AMD1: variants seen among roughly 807,000 people sequenced by gnomAD.
The protein encoded by AMD1 is adenosylmethionine decarboxylase 1.
AMD1 carries 11 observed loss-of-function variants against 40.2 expected under a neutral mutation model. That is an observed-to-expected ratio of 0.27 (90% CI 0.17 to 0.45). AMD1 has a LOEUF of 0.45. Ranked by LOEUF, AMD1 falls within the 20% of genes least tolerant of loss-of-function variation. The pLI is 1.00. For missense variants in AMD1, 257 were observed against 410.2 expected, an observed-to-expected ratio of 0.63 and a Z score of 3.23; for synonymous variants, 121 against 130.8, an observed-to-expected ratio of 0.93 and a Z score of 0.51.
chr6:110,816,733 C>G, the AMD1 span, among the ~76,000 whole-genome samples: 1 of 152,126 alleles, frequency 6.6e-6, no homozygotes, highest in Non-Finnish European at 1.5e-5. Context: ...TAACTTGTCT[C>G]CACCACTCCT....
intron 3 of AMD1, chr6:110,889,842 T>A (rs1172414376): frequency 6.4e-6 from 1 of 155,778 alleles, no homozygotes; most frequent in African/African-American, 2.4e-5. Context: ...GTAAGAAATC[T>A]AAAGCAATGT....
the AMD1 span, chr6:110,858,176 A>T: frequency 1.6e-6 from 1 of 643,978 alleles, no homozygotes; most frequent in African/African-American, 1.9e-5. Flanking sequence ...AGTGCGTCCC[A>T]GCCCCGCGCC....
chr6:110,840,281 T>C, the AMD1 span, among the ~76,000 whole-genome samples: 1 of 152,096 alleles, frequency 6.6e-6, no homozygotes, highest in Non-Finnish European at 1.5e-5. Flanking sequence ...TCCAATTCAA[T>C]TCCGACACTG....
At chr6:110,842,928 T>G in the AMD1 span, among the ~76,000 whole-genome samples, 1 of 151,524 alleles carries the variant, frequency 6.6e-6, no homozygotes, top group African/African-American at 2.4e-5. Flanking sequence ...AGGTCAGGAG[T>G]TCGAGACCAG....
chr6:110,875,117 A>G lies in AMD1; in HGVS notation c.12A>G (p.Ala4=), dbSNP rs1785024693. Residue 4 remains alanine, a synonymous_variant, in exon 1 of 9, where the codon GCA becomes GCG. Transcript: ENST00000368885. The part of the protein sequence containing the change: MEA[A]HFFEGTEKLL... Reference sequence around the variant, plus strand: ...CTAGTCTCACGGTGATGGAAGCTGCACATTTTTTCGAAGGGACCGAGAAGC... The same window carrying G: ...CTAGTCTCACGGTGATGGAAGCTGCGCATTTTTTCGAAGGGACCGAGAAGC... The G allele has an allele frequency of 1.9e-6, 3 of 1,613,382 alleles. No individual in the cohort carries two copies. Among genetic ancestry groups the G allele is most frequent in the Non-Finnish European group, 1.7e-6 (2 of 1,179,758 alleles).
At chr6:110,857,768 G>A in the AMD1 span, among the ~76,000 whole-genome samples, 2 of 145,798 alleles carry the variant, frequency 1.4e-5, no homozygotes, top group Non-Finnish European at 3.0e-5. Context: ...TATAGATGGT[G>A]TGTATATATA....
At chr6:110,843,111 C>A in the AMD1 span, among the ~76,000 whole-genome samples, 1 of 151,216 alleles carries the variant, frequency 6.6e-6, no homozygotes, top group African/African-American at 2.4e-5. Context: ...CCAGCCTGGG[C>A]GACAAAGCGA....
chr6:110,870,041 G>A (rs1412984201), upstream of AMD1, among the ~76,000 whole-genome samples: 1 of 152,170 alleles, frequency 6.6e-6, no homozygotes, highest in African/African-American at 2.4e-5. Context: ...ATTAGCCACT[G>A]TGCCTGGCCA....
At chr6:110,815,407 T>G in the AMD1 span, 67 of 286,530 alleles carry the variant, frequency 2.3e-4, no homozygotes, top group East Asian at 3.4e-4. Context: ...CCTCCTTCAT[T>G]TCCTTGTTTT....
chr6:110,815,251 G>A, the AMD1 span: 1 of 1,198,736 alleles, frequency 8.3e-7, no homozygotes, highest in Non-Finnish European at 1.1e-6. Flanking sequence ...TCGCGCGCGC[G>A]CGCGCGCCGC....
chr6:110,847,179 C>G, the AMD1 span, among the ~76,000 whole-genome samples: 4 of 151,912 alleles, frequency 2.6e-5, no homozygotes, highest in Admixed American at 2.0e-4. Context: ...TGGGCAGGCT[C>G]TTAGGCTGGA....
At chr6:110,889,196 G>A (rs1161187723) in intron 3 of AMD1, 1 of 355,646 alleles carries the variant, frequency 2.8e-6, no homozygotes, top group East Asian at 5.3e-5. Context: ...TCAAATGGGA[G>A]AAAGAAATGA....
the AMD1 span, among the ~76,000 whole-genome samples, chr6:110,846,341 CAA>C: frequency 6.6e-6 from 1 of 152,092 alleles, no homozygotes; most frequent in Non-Finnish European, 1.5e-5. Context: ...ATGAGGAAGA[CAA>C]ATCTAAAATT....
Position 110,892,200 on chromosome 6 carries a change from G to A in AMD1, c.467G>A (p.Cys156Tyr). Residue 156 changes from cysteine to tyrosine, a missense_variant, in exon 5 of 9, where the codon TGT becomes TAT. By Grantham distance (194) the Cys-to-Tyr change is radical. Coordinates refer to ENST00000368885, the MANE Select transcript of AMD1 (RefSeq NM_001634.6). ...TGTATGGGACGTATGAATTCTGACT[G>A]TTGGTATGTTTAATGCAATTTTGTG... ...AYCMGRMNSDCWYLYTLDFPE... is the reference protein window; with the variant it reads ...AYCMGRMNSDYWYLYTLDFPE... 1 of 1,614,124 alleles carries A rather than the reference G, an allele frequency of 6.2e-7. No individual in the cohort carries two copies. The highest frequency in any genetic ancestry group is 8.5e-7 in the Non-Finnish European group (1 of 1,180,044).
chr6:110,884,750 A>G (rs1785595814), intron 1 of AMD1, among the ~76,000 whole-genome samples: 4 of 152,180 alleles, frequency 2.6e-5, no homozygotes, highest in Admixed American at 2.6e-4. Context: ...AAGAAAGGAA[A>G]AGACTGTTAC....
intron 1 of AMD1, among the ~76,000 whole-genome samples, chr6:110,880,954 A>G (rs1785379242): frequency 6.6e-6 from 1 of 152,208 alleles, no homozygotes; most frequent in Non-Finnish European, 1.5e-5. Context: ...ATCAGGCGAC[A>G]TAGAGAAGTC....
At chr6:110,839,416 G>T in the AMD1 span, among the ~76,000 whole-genome samples, 1 of 152,034 alleles carries the variant, frequency 6.6e-6, no homozygotes, top group Non-Finnish European at 1.5e-5. Flanking sequence ...AGGTGTAGGT[G>T]CTTTTCCCCA....
At chr6:110,826,304 C>A in the AMD1 span, among the ~76,000 whole-genome samples, 91 of 133,568 alleles carry the variant, frequency 6.8e-4, no homozygotes, top group Admixed American at 3.8e-3. Context: ...AAGAATCAAA[C>A]TTCTCTCTGT....
At chr6:110,856,798 T>C in the AMD1 span, among the ~76,000 whole-genome samples, 1 of 152,208 alleles carries the variant, frequency 6.6e-6, no homozygotes, top group South Asian at 2.1e-4. Context: ...GGTCAGATCA[T>C]ATCAGCTAAT....
Sources: gnomAD v4.1 joint callset for allele counts (sites outside exome capture counted in the v4.1 genomes callset) on GRCh38, gnomAD v4.1.1 for gene constraint, MANE v1.5 for transcripts, NCBI Gene and HGNC (gene_info 2026-07-23, HGNC 2026-07-21) for gene names.